The following PRKCH variants were observed in gnomAD, a reference collection of about 807,000 sequenced individuals.
PRKCH encodes the protein protein kinase C eta type.
PRKCH carries 28 observed loss-of-function variants against 82.5 expected under a neutral mutation model. That is an observed-to-expected ratio of 0.34 (90% CI 0.25 to 0.47). The LOEUF is 0.47. Among genes scored for constraint, PRKCH ranks in the 20% least tolerant of loss-of-function variants. The pLI is 1.00. For synonymous variants in PRKCH, 322 were observed against 327.4 expected, an observed-to-expected ratio of 0.98 and a Z score of 0.18; for missense variants, 705 against 881.8, an observed-to-expected ratio of 0.80 and a Z score of 2.54.
At chr14:61,247,818 C>G (rs2044901304) in intron 1 of PRKCH, among the ~76,000 whole-genome samples, 1 of 150,304 alleles carries the variant, frequency 6.7e-6, no homozygotes, top group South Asian at 2.1e-4. Flanking sequence ...CTTATGGAGG[C>G]TTTTAAAACA....
At chr14:61,507,937 C>G (rs1297860017) in intron 10 of PRKCH, among the ~76,000 whole-genome samples, 6 of 151,566 alleles carry the variant, frequency 4.0e-5, no homozygotes, top group African/African-American at 1.5e-4. Context: ...CTCTTATCAC[C>G]AAGAAAAAAA....
At chr14:61,263,211 C>T (rs1053931015) in intron 1 of PRKCH, among the ~76,000 whole-genome samples, 7 of 152,192 alleles carry the variant, frequency 4.6e-5, no homozygotes, top group Non-Finnish European at 1.0e-4. Flanking sequence ...AGTCATCACC[C>T]TGGACCTTGT....
chr14:61,464,983 G>A (rs1885191505), intron 9 of PRKCH, among the ~76,000 whole-genome samples: 1 of 152,160 alleles, frequency 6.6e-6, no homozygotes, highest in Admixed American at 6.5e-5. Context: ...CACAATGGTT[G>A]AACTAATTTA....
chr14:61,225,282 A>C (rs2044688447), intron 1 of PRKCH, among the ~76,000 whole-genome samples: 1 of 152,228 alleles, frequency 6.6e-6, no homozygotes, highest in African/African-American at 2.4e-5. Flanking sequence ...GGGGAAATAG[A>C]AATCTTTTAA....
chr14:61,441,663 C>A (rs1360039566), intron 2 of PRKCH, among the ~76,000 whole-genome samples: 5 of 151,538 alleles, frequency 3.3e-5, no homozygotes, highest in Non-Finnish European at 7.4e-5. Context: ...TAAATAGTAA[C>A]CCTTTGTCAT....
chr14:61,497,256 A>G (rs961648481), intron 10 of PRKCH, among the ~76,000 whole-genome samples: 5 of 152,112 alleles, frequency 3.3e-5, no homozygotes, highest in Non-Finnish European at 4.4e-5. Flanking sequence ...TGGGATCTTG[A>G]TCAGGTTACT....
chr14:61,333,746 G>T, intron 1 of PRKCH, among the ~76,000 whole-genome samples: 1 of 152,106 alleles, frequency 6.6e-6, no homozygotes, highest in African/African-American at 2.4e-5. Context: ...CCCTGGCTTG[G>T]TATCTTTTGT....
chr14:61,231,842 C>A (rs1467074561), intron 1 of PRKCH, among the ~76,000 whole-genome samples: 2 of 152,076 alleles, frequency 1.3e-5, no homozygotes, highest in Non-Finnish European at 2.9e-5. Flanking sequence ...TTGAAAAAAA[C>A]AGACTCCCCT....
upstream of PRKCH, among the ~76,000 whole-genome samples, chr14:61,321,241 G>C (rs1416978164): frequency 6.6e-6 from 1 of 152,238 alleles, no homozygotes; most frequent in African/African-American, 2.4e-5. The surrounding 1 kb of genome is among the most constrained non-coding windows in gnomAD (Gnocchi z 4.1). Context: ...GGTTGGGAGA[G>C]AGGGGGCGGG....
intron 1 of PRKCH, among the ~76,000 whole-genome samples, chr14:61,283,849 T>C (rs1566806878): frequency 6.6e-6 from 1 of 151,588 alleles, no homozygotes; most frequent in Non-Finnish European, 1.5e-5. Flanking sequence ...AAAAATAAAA[T>C]AAAAAAAGAG....
intron 2 of PRKCH, among the ~76,000 whole-genome samples, chr14:61,435,971 G>A (rs1277667557): frequency 1.3e-5 from 2 of 152,210 alleles, no homozygotes; most frequent in African/African-American, 2.4e-5. Flanking sequence ...CTGAGAAGGG[G>A]AGAGTTTGTA....
intron 1 of PRKCH, among the ~76,000 whole-genome samples, chr14:61,242,227 C>T (rs1486485636): frequency 1.3e-5 from 2 of 152,148 alleles, no homozygotes; most frequent in Non-Finnish European, 2.9e-5. Context: ...TAATCCACAC[C>T]TCCCATGCCT....
chr14:61,245,968 T>C (rs2140069394), intron 1 of PRKCH, among the ~76,000 whole-genome samples: 1 of 152,330 alleles, frequency 6.6e-6, no homozygotes. Flanking sequence ...GTCTTTTGAA[T>C]GATCAGTGAT....
Position 61,321,848 on chromosome 14 carries a change from C to T in PRKCH, c.-254C>T. 1 of 391,262 alleles carries T rather than the reference C, an allele frequency of 2.6e-6. No individual in the cohort carries two copies. The highest frequency in any genetic ancestry group is 4.7e-6 in the Non-Finnish European group (1 of 213,260). 24.2% of individuals were successfully genotyped at this position (391,262 alleles called of 1,614,324 possible). Reference sequence around the variant, plus strand: ...GGAGGCGCCGCGCGCTTGGAAGGGACGGTCGGGCTTCCCCGGCCCGCTGAG... The same window carrying T: ...GGAGGCGCCGCGCGCTTGGAAGGGATGGTCGGGCTTCCCCGGCCCGCTGAG... On this transcript the variant is annotated 5_prime_UTR_variant, in exon 1 of 14. The change creates a new upstream start codon in the 5' untranslated region. Coordinates refer to ENST00000332981, the MANE Select transcript of PRKCH (RefSeq NM_006255.5). This position sits in a 1 kb window ranked among gnomAD's most constrained non-coding sequence, Gnocchi z 4.1.
At chr14:61,501,021 A>G (rs759519093) in intron 10 of PRKCH, among the ~76,000 whole-genome samples, 3 of 152,194 alleles carry the variant, frequency 2.0e-5, no homozygotes, top group Non-Finnish European at 4.4e-5. Flanking sequence ...TCAAACTTAG[A>G]TTTAAAACTT....
intron 2 of PRKCH, among the ~76,000 whole-genome samples, chr14:61,394,539 A>G (rs978070620): frequency 5.9e-5 from 9 of 152,102 alleles, no homozygotes; most frequent in Non-Finnish European, 1.2e-4. Context: ...AGCTGAATCA[A>G]CTCTCTGCAT....
chr14:61,234,856 A>T (rs1296735764), intron 1 of PRKCH, among the ~76,000 whole-genome samples: 1 of 152,230 alleles, frequency 6.6e-6, no homozygotes, highest in Non-Finnish European at 1.5e-5. Flanking sequence ...AGCTATGTTC[A>T]GGGCCATCCC....
At chr14:61,204,131 C>CT (rs2044504569) in intron 1 of PRKCH, among the ~76,000 whole-genome samples, 1 of 152,140 alleles carries the variant, frequency 6.6e-6, no homozygotes, top group Admixed American at 6.5e-5. Flanking sequence ...AACCAGAGCC[C>CT]TTTATAAATT....
chr14:61,270,761 C>T (rs555909600), intron 1 of PRKCH, among the ~76,000 whole-genome samples: 1 of 152,178 alleles, frequency 6.6e-6, no homozygotes, highest in African/African-American at 2.4e-5. Context: ...CTGCATAAAC[C>T]CAGGAGTTGG....
Sources: gnomAD v4.1 joint callset for allele counts (sites outside exome capture counted in the v4.1 genomes callset) on GRCh38, gnomAD v4.1.1 for gene constraint, Gnocchi (gnomAD v3.1) non-coding constraint, MANE v1.5 for transcripts, NCBI Gene and HGNC (gene_info 2026-07-23, HGNC 2026-07-21) for gene names.